ST7: variants seen among roughly 807,000 people sequenced by gnomAD.
The protein encoded by ST7 is suppressor of tumorigenicity 7 protein.
In ST7, 28 loss-of-function variants were observed where a neutral mutation model predicts 78.7. The observed-to-expected ratio is 0.36, with a 90% CI of 0.26 to 0.49. The LOEUF (loss-of-function observed/expected upper bound fraction) is 0.49, where lower values mean the gene tolerates loss of function less well. ST7 is among the 20% of genes least tolerant of loss of function. ST7 has a pLI of 0.99. For missense variants in ST7, 418 were observed against 696.0 expected, an observed-to-expected ratio of 0.60 and a Z score of 4.49; for synonymous variants, 247 against 249.6, an observed-to-expected ratio of 0.99 and a Z score of 0.10.
intron 1 of ST7, among the ~76,000 whole-genome samples, chr7:117,052,763 G>A (rs1194903041): frequency 2.0e-5 from 3 of 152,190 alleles, no homozygotes; most frequent in Non-Finnish European, 2.9e-5. Context: ...GCGTGGTGGC[G>A]GGCGTCTGTA....
intron 1 of ST7, among the ~76,000 whole-genome samples, chr7:117,043,752 T>G (rs1216257289): frequency 6.6e-6 from 1 of 152,142 alleles, no homozygotes; most frequent in Non-Finnish European, 1.5e-5. Flanking sequence ...TTCCTCAGAT[T>G]TTATTATTAG....
rs995855948 is a variant in ST7 at position 116,985,152 on chromosome 7, A to G, written c.151+31461A>G. Among the ~76,000 whole-genome samples the G allele has an allele frequency of 3.9e-5, 6 of 152,328 alleles. No individual in the cohort carries two copies. In the South Asian group the frequency reaches 8.3e-4, roughly 21 times the overall value. The stretch of plus-strand genomic sequence containing the variant: ...TTCACCTTGTTGATGAGATGTTTTT[A>G]AGGGTAAAATTTAGGGTAGGATTTG... On this transcript the variant is annotated intron_variant, in intron 1 of 15. Coordinates refer to ENST00000323984, the MANE Select transcript of ST7 (RefSeq NM_001369598.1).
intron 1 of ST7, among the ~76,000 whole-genome samples, chr7:116,979,958 CTTTTTT>C (rs745530832): frequency 0.042 from 3,589 of 86,424 alleles, 242 homozygotes; most frequent in African/African-American, 0.15. Context: ...TTTTGTTTCT[CTTTTTT>C]TTTTTTTTTT....
chr7:117,099,058 AAAAAAAAC>A (rs1268086906), intron 1 of ST7, among the ~76,000 whole-genome samples: 309 of 144,728 alleles, frequency 2.1e-3, no homozygotes, highest in Middle Eastern at 0.011. Flanking sequence ...AAAAAAAAAA[AAAAAAAAC>A]AAAAAAAAAA....
chr7:117,160,006 A>G (rs1354375722), intron 9 of ST7, among the ~76,000 whole-genome samples: 2 of 152,220 alleles, frequency 1.3e-5, no homozygotes, highest in African/African-American at 4.8e-5. Flanking sequence ...GTTCGAGACC[A>G]TCCTGGCCAA....
At chr7:117,088,883 C>T (rs1165058976) in intron 1 of ST7, among the ~76,000 whole-genome samples, 2 of 152,142 alleles carry the variant, frequency 1.3e-5, no homozygotes. Flanking sequence ...CTGCACCTTG[C>T]AAGAACTGAG....
intron 15 of ST7, 140 bp from the exon 16 acceptor site, chr7:117,229,622 G>A (rs1793663550): frequency 1.4e-6 from 1 of 719,598 alleles, no homozygotes; most frequent in African/African-American, 1.8e-5. Context: ...GATGTTTCCT[G>A]TAAACATAAA....
intron 2 of ST7, among the ~76,000 whole-genome samples, chr7:117,106,150 C>T (rs10234031): frequency 0.39 from 59,069 of 151,896 alleles, 11,803 homozygotes; most frequent in East Asian, 0.5. Flanking sequence ...AGGCGCCTGC[C>T]ACCGCGCCGG....
At chr7:117,142,351 G>A (rs930444581) in intron 9 of ST7, among the ~76,000 whole-genome samples, 1 of 152,098 alleles carries the variant, frequency 6.6e-6, no homozygotes, top group Non-Finnish European at 1.5e-5. Flanking sequence ...GGATTTCTCA[G>A]CCTCAGCACT....
At chr7:117,094,855 T>A (rs1290437100) in intron 1 of ST7, among the ~76,000 whole-genome samples, 1 of 152,214 alleles carries the variant, frequency 6.6e-6, no homozygotes, top group Non-Finnish European at 1.5e-5. Context: ...TTCTCTAAAC[T>A]TTTCTCCCAG....
intron 12 of ST7, among the ~76,000 whole-genome samples, chr7:117,201,155 A>G (rs908315370): frequency 1.3e-5 from 2 of 152,216 alleles, no homozygotes. Context: ...TGTCTATGAT[A>G]TTATATATCA....
rs1177904365 is a variant in ST7 at position 117,097,919 on chromosome 7, T to A, written c.152-1843T>A. On this transcript the variant is annotated intron_variant, in intron 1 of 15. Coordinates refer to ENST00000323984, the MANE Select transcript of ST7 (RefSeq NM_001369598.1). Reference sequence around the variant, plus strand: ...ATATATATATATATATTTTTTTTTTTTTTTTTTTTGATGGCCAGGCAAAGC... The same window carrying A: ...ATATATATATATATATTTTTTTTTTATTTTTTTTTGATGGCCAGGCAAAGC... 8.9e-4 allele frequency among the ~76,000 whole-genome samples: 96 copies of A among 108,220 alleles called. 2 individuals are homozygous for A. Among genetic ancestry groups the A allele is most frequent in the South Asian group, 4.0e-3 (12 of 2,988 alleles). The allele number at this position is 108,220 out of a possible 152,430, so 71.0% of individuals were successfully genotyped here.
At chr7:117,038,913 A>G (rs2116262736) in intron 1 of ST7, among the ~76,000 whole-genome samples, 1 of 152,304 alleles carries the variant, frequency 6.6e-6, no homozygotes, top group African/African-American at 2.4e-5. Context: ...ACAGTTTTTG[A>G]GTGATTTGTG....
At chr7:117,169,804 C>CTT (rs757197865) in intron 9 of ST7, among the ~76,000 whole-genome samples, 32 of 131,544 alleles carry the variant, frequency 2.4e-4, no homozygotes, top group South Asian at 1.5e-3. Context: ...CTTAGCAATC[C>CTT]TTTTTTTTTT....
intron 1 of ST7, among the ~76,000 whole-genome samples, chr7:117,068,309 T>G (rs1017942364): frequency 6.6e-6 from 1 of 152,196 alleles, no homozygotes; most frequent in Non-Finnish European, 1.5e-5. Context: ...GTGGCTCCAA[T>G]CTAGCACTAA....
chr7:117,112,119 T>TATATATATATATATATATATAA (rs1563090258), intron 2 of ST7, among the ~76,000 whole-genome samples: 5 of 152,048 alleles, frequency 3.3e-5, no homozygotes, highest in African/African-American at 1.2e-4. Flanking sequence ...TATATATATA[T>TATATATATATATATATATATAA]ATAACAGAGG....
chr7:117,199,834 G>A (rs950790904), intron 12 of ST7, among the ~76,000 whole-genome samples: 1 of 152,226 alleles, frequency 6.6e-6, no homozygotes, highest in Non-Finnish European at 1.5e-5. Context: ...CAGAGTTGGG[G>A]CAGATAGCCC....
chr7:117,037,977 T>G (rs889567964), intron 1 of ST7, among the ~76,000 whole-genome samples: 2 of 152,228 alleles, frequency 1.3e-5, no homozygotes, highest in Non-Finnish European at 2.9e-5. Flanking sequence ...GCTGGACTTT[T>G]TATTGCTATA....
rs372052004 is a variant in ST7 at position 116,964,494 on chromosome 7, G to A, written c.151+10803G>A. On this transcript the variant is annotated intron_variant, in intron 1 of 15. Transcript: ENST00000323984. ...AATAAGAACTAGTGGGATCTAGTTTGTACTTTTCCCTGGGGCTTGGGTTGG... is the reference window on the plus strand; with the variant it reads ...AATAAGAACTAGTGGGATCTAGTTTATACTTTTCCCTGGGGCTTGGGTTGG... 3.3e-5 allele frequency among the ~76,000 whole-genome samples: 5 copies of A among 152,276 alleles called. No individual in the cohort carries two copies. The South Asian group carries it at 1.0e-3, about 32-fold the overall frequency.
Sources: gnomAD v4.1 joint callset for allele counts (sites outside exome capture counted in the v4.1 genomes callset) on GRCh38, gnomAD v4.1.1 for gene constraint, MANE v1.5 for transcripts, NCBI Gene and HGNC (gene_info 2026-07-23, HGNC 2026-07-21) for gene names.